PLPP1: variants seen among roughly 807,000 people sequenced by gnomAD.
PLPP1 encodes phospholipid phosphatase 1, also known as lipid phosphate phosphohydrolase 1a.
Under a neutral mutation model 31.2 loss-of-function variants are expected in PLPP1, and 24 were observed. The ratio of observed to expected loss-of-function variants is 0.77; its 90% CI spans 0.56 to 1.08. The LOEUF is 1.08. PLPP1 is among the 50% of genes least tolerant of loss of function. The pLI is 0.00. For synonymous variants in PLPP1, 146 were observed against 126.3 expected, an observed-to-expected ratio of 1.16 and a Z score of -1.05; for missense variants, 319 against 342.7, an observed-to-expected ratio of 0.93 and a Z score of 0.55.
At chr5:55,467,158 A>G (rs1307822205) in intron 3 of PLPP1, among the ~76,000 whole-genome samples, 1 of 152,208 alleles carries the variant, frequency 6.6e-6, no homozygotes, top group African/African-American at 2.4e-5. Flanking sequence ...TATAAAAAAA[A>G]ATCTAAACAA....
intron 4 of PLPP1, among the ~76,000 whole-genome samples, chr5:55,438,730 T>A (rs1428038633): frequency 1.3e-5 from 2 of 152,012 alleles, no homozygotes; most frequent in African/African-American, 4.8e-5. Context: ...TAAAACCCTG[T>A]CTCTACTAAA....
chr5:55,505,008 G>T lies in PLPP1; in HGVS notation c.59-29558C>A, dbSNP rs973657771. Among the ~76,000 whole-genome samples the T allele has an allele frequency of 4.6e-5, 7 of 151,942 alleles. No homozygotes were observed. The East Asian group carries it at 1.2e-3, about 25-fold the overall frequency. ...GTATTTTATGTAGAGACAGGATTTT[G>T]CCATGTTGCCCAGGCTGGTCTCAAA... On this transcript the variant is annotated intron_variant, in intron 1 of 5. Transcript: ENST00000307259.
intron 1 of PLPP1, among the ~76,000 whole-genome samples, chr5:55,532,620 T>C (rs1237428443): frequency 6.6e-6 from 1 of 152,182 alleles, no homozygotes; most frequent in Non-Finnish European, 1.5e-5. Context: ...TGAATATATT[T>C]AATTATTAAT....
intron 1 of PLPP1, among the ~76,000 whole-genome samples, chr5:55,521,913 C>G (rs932686123): frequency 3.3e-5 from 5 of 152,206 alleles, no homozygotes; most frequent in African/African-American, 9.7e-5. Context: ...TTCTTCTCTA[C>G]TCATTTACCT....
In PLPP1 at chr5:55,424,976, G is replaced by A; in HGVS notation, c.*230C>T. 2 of 646,576 alleles carry A rather than the reference G, an allele frequency of 3.1e-6. No homozygotes were observed. The highest frequency in any genetic ancestry group is 4.5e-5 in the South Asian group (2 of 44,654). 40.1% of individuals were successfully genotyped at this position (646,576 alleles called of 1,614,324 possible). ...TTTTTAATAAAAATGTATACAGGTG[G>A]GGCACTGTTTTGGTGGAAGGCTTGG... On this transcript the variant is annotated 3_prime_UTR_variant, in exon 6 of 6. Coordinates refer to ENST00000307259, the MANE Select transcript of PLPP1 (RefSeq NM_003711.4).
chr5:55,433,659 C>G (rs1280454713), intron 4 of PLPP1, among the ~76,000 whole-genome samples: 3 of 149,924 alleles, frequency 2.0e-5, no homozygotes, highest in African/African-American at 7.3e-5. Flanking sequence ...GCCACCACAC[C>G]TGGCTAATTT....
intron 3 of PLPP1, 55 bp from the exon 4 acceptor site, chr5:55,441,963 G>T (rs2278257): frequency 3.3e-6 from 5 of 1,531,502 alleles, no homozygotes; most frequent in Non-Finnish European, 4.5e-6. Context: ...CAAAAGTATT[G>T]TTGATTTCAT....
chr5:55,425,848 G>A lies in PLPP1; in HGVS notation c.726+15C>T, dbSNP rs1347576301. The A allele has an allele frequency of 1.9e-6, 3 of 1,557,020 alleles. No individual in the cohort carries two copies. Among genetic ancestry groups the A allele is most frequent in the Non-Finnish European group, 2.6e-6 (3 of 1,154,362 alleles). ...TAGCAATATCAAGATGTAGGCTGTT[G>A]ACCTGTATACTTACAACTAATATTG... On this transcript the variant is annotated intron_variant, in intron 5 of 5. Coordinates refer to ENST00000307259, the MANE Select transcript of PLPP1 (RefSeq NM_003711.4).
intron 1 of PLPP1, among the ~76,000 whole-genome samples, chr5:55,488,242 A>T (rs1482411076): frequency 6.6e-6 from 1 of 152,052 alleles, no homozygotes; most frequent in African/African-American, 2.4e-5. Context: ...TTGCTATTTA[A>T]GCTGCTTGAT....
intron 1 of PLPP1, among the ~76,000 whole-genome samples, chr5:55,500,150 G>A (rs1753106582): frequency 6.7e-6 from 1 of 148,380 alleles, no homozygotes; most frequent in Non-Finnish European, 1.5e-5. Context: ...CGCAATCTCG[G>A]CTCACTACAA....
intron 1 of PLPP1, among the ~76,000 whole-genome samples, chr5:55,496,628 A>C (rs1257308308): frequency 6.6e-6 from 1 of 152,256 alleles, no homozygotes; most frequent in Non-Finnish European, 1.5e-5. Flanking sequence ...TCCAGCTTGA[A>C]TATGCCATCT....
chr5:55,513,150 A>G (rs529915837), intron 1 of PLPP1, among the ~76,000 whole-genome samples: 49 of 152,280 alleles, frequency 3.2e-4, no homozygotes, highest in African/African-American at 1.2e-3. Context: ...CCCTTAACCA[A>G]TGAAGTCTCC....
chr5:55,477,307 T>C (rs929195469), intron 1 of PLPP1, among the ~76,000 whole-genome samples: 16 of 152,188 alleles, frequency 1.1e-4, no homozygotes, highest in Admixed American at 6.5e-5. Context: ...AGTAACTAAA[T>C]GCTTAGCCCC....
At chr5:55,511,662 T>TG (rs1420161380) in intron 1 of PLPP1, among the ~76,000 whole-genome samples, 7 of 99,446 alleles carry the variant, frequency 7.0e-5, no homozygotes, top group African/African-American at 2.4e-4. Context: ...TTTTTTTTTT[T>TG]TTTTTTTTTT....
At chr5:55,463,721 A>C (rs1249956553) in intron 3 of PLPP1, among the ~76,000 whole-genome samples, 1 of 151,754 alleles carries the variant, frequency 6.6e-6, no homozygotes, top group Non-Finnish European at 1.5e-5. Flanking sequence ...CCGAGGCAAG[A>C]GGATCGCTTG....
At chr5:55,511,140 T>C (rs1254751951) in intron 1 of PLPP1, among the ~76,000 whole-genome samples, 1 of 152,216 alleles carries the variant, frequency 6.6e-6, no homozygotes, top group Non-Finnish European at 1.5e-5. Flanking sequence ...GCATATTCAT[T>C]GCCTAATAGT....
At chr5:55,436,260 C>T (rs1006482762) in intron 4 of PLPP1, among the ~76,000 whole-genome samples, 4 of 152,090 alleles carry the variant, frequency 2.6e-5, no homozygotes, top group Non-Finnish European at 4.4e-5. Context: ...GTGTCCCCAC[C>T]CAAATCTCAT....
rs540405382 is a variant in PLPP1, at chr5:55,451,434, C to A, written c.492-9526G>T. Among the ~76,000 whole-genome samples, 41 of 152,258 alleles carry A rather than the reference C, an allele frequency of 2.7e-4. 2 individuals are homozygous for A. The South Asian group carries it at 8.1e-3, about 30-fold the overall frequency. On this transcript the variant is annotated intron_variant, in intron 3 of 5. Coordinates refer to ENST00000307259, the MANE Select transcript of PLPP1 (RefSeq NM_003711.4). ...CACACAAATGTAAAATTATTAGAGCCCAGTAGGAGGCTGCCAGACAGGTCA... is the reference window on the plus strand; with the variant it reads ...CACACAAATGTAAAATTATTAGAGCACAGTAGGAGGCTGCCAGACAGGTCA...
chr5:55,485,872 AACTT>A (rs1296496125), intron 1 of PLPP1, among the ~76,000 whole-genome samples: 16 of 152,314 alleles, frequency 1.1e-4, no homozygotes, highest in Middle Eastern at 3.4e-3. Flanking sequence ...CCTACAGCTG[AACTT>A]ACTTATTTCC....
Sources: gnomAD v4.1 joint callset for allele counts (sites outside exome capture counted in the v4.1 genomes callset) on GRCh38, gnomAD v4.1.1 for gene constraint, MANE v1.5 for transcripts, NCBI Gene and HGNC (gene_info 2026-07-23, HGNC 2026-07-21) for gene names.